The following PKP1 variants were observed in gnomAD, a reference collection of about 807,000 sequenced individuals.
PKP1 encodes plakophilin 1.
Under a neutral mutation model 76.4 loss-of-function variants are expected in PKP1, and 27 were observed. That is an observed-to-expected ratio of 0.35 (90% CI 0.26 to 0.49). The LOEUF is 0.49. Among genes scored for constraint, PKP1 ranks in the 20% least tolerant of loss-of-function variants. The pLI, the probability that PKP1 is intolerant of heterozygous loss-of-function variation, is 0.99. For missense variants in PKP1, 964 were observed against 955.2 expected, an observed-to-expected ratio of 1.01 and a Z score of -0.12; for synonymous variants, 404 against 384.2, an observed-to-expected ratio of 1.05 and a Z score of -0.60.
At chr1:201,300,809 C>T (rs1400563144) in intron 2 of PKP1, among the ~76,000 whole-genome samples, 1 of 152,196 alleles carries the variant, frequency 6.6e-6, no homozygotes, top group Non-Finnish European at 1.5e-5. Flanking sequence ...CAAGGGCAAG[C>T]TCCAGGTGCA....
intron 3 of PKP1, chr1:201,316,113 T>TGGACGGATGGACAGAC (rs1656717752): frequency 8.3e-6 from 1 of 119,900 alleles, no homozygotes; most frequent in East Asian, 2.4e-4. Context: ...GACAGATGGA[T>TGGACGGATGGACAGAC]GGACGGATGG....
intron 9 of PKP1, 80 bp downstream of exon 9, chr1:201,323,269 C>A: frequency 1.5e-6 from 2 of 1,377,114 alleles, no homozygotes; most frequent in Non-Finnish European, 2.1e-6. Flanking sequence ...CCTTTTCCCC[C>A]CAGCCTGTCC....
At chr1:201,294,232 C>T (rs1158517868) in intron 2 of PKP1, among the ~76,000 whole-genome samples, 187 bp downstream of exon 2, 2 of 152,186 alleles carry the variant, frequency 1.3e-5, no homozygotes, top group Admixed American at 1.3e-4. Context: ...CTCGTTTGGG[C>T]TGACTGGATA....
intron 11 of PKP1, 51 bp downstream of exon 11, chr1:201,325,178 C>T (rs963547900): frequency 6.4e-7 from 1 of 1,564,284 alleles, no homozygotes; most frequent in Non-Finnish European, 8.8e-7. Flanking sequence ...AGCCCCTCCT[C>T]ACCCTGCACA....
At position 201,309,778 on chromosome 1, in the gene PKP1, A is replaced by G. The variant is rs145611064; in HGVS notation, c.307-3388A>G. 1.4e-3 allele frequency among the ~76,000 whole-genome samples: 215 copies of G among 152,266 alleles called. 1 individual carries two copies. Among genetic ancestry groups the G allele is most frequent in the African/African-American group, 3.0e-3 (126 of 41,548 alleles). On this transcript the variant is annotated intron_variant, in intron 2 of 13. Coordinates refer to ENST00000367324, the MANE Select transcript of PKP1 (RefSeq NM_001005337.3). ...TTGGAAACGTGTGGGGACATTTTGC[A>G]ATGACTGTGAGGCATTACTAGCATT... is the stretch of plus-strand genomic sequence containing the variant.
At chr1:201,325,630 CCTGAGGCCTCCT>C (rs1657095840) in intron 11 of PKP1, 112 bp from the exon 12 acceptor site, 2 of 763,948 alleles carry the variant, frequency 2.6e-6, no homozygotes, top group East Asian at 2.7e-5. Flanking sequence ...CTTTTGCACA[CCTGAGGCCTCCT>C]CTGAGGCCTC....
chr1:201,324,344 C>T (rs925513083), intron 9 of PKP1, 84 bp from the exon 10 acceptor site: 20 of 1,415,850 alleles, frequency 1.4e-5, no homozygotes, highest in Non-Finnish European at 1.9e-5. Context: ...GGGATGTCTG[C>T]CTTTGGGGCT....
At chr1:201,303,280 G>A (rs1041589110) in intron 2 of PKP1, among the ~76,000 whole-genome samples, 2 of 152,128 alleles carry the variant, frequency 1.3e-5, no homozygotes, top group Non-Finnish European at 2.9e-5. Flanking sequence ...AGACTTCCAA[G>A]TAGCTGCAAC....
chr1:201,294,003 C>T lies in PKP1; in HGVS notation c.264C>T (p.Tyr88=). Residue 88 remains tyrosine (Y), a synonymous_variant, in exon 2 of 14, where the codon TAC becomes TAT. Coordinates refer to ENST00000367324, the MANE Select transcript of PKP1 (RefSeq NM_001005337.3). ...YNYGTTSRSS[Y]YSKFQAGNGS... ...ATGGGACCACCAGCAGGAGCAGCTA[C>T]TACTCCAAGTTCCAGGCAGGGAATG... The T allele has an allele frequency of 6.2e-7, 1 of 1,613,944 alleles. No individual in the cohort carries two copies. The highest frequency in any genetic ancestry group is 8.5e-7 in the Non-Finnish European group (1 of 1,179,846).
At chr1:201,316,793 G>A in intron 4 of PKP1, 96 bp downstream of exon 4, 1 of 1,375,514 alleles carries the variant, frequency 7.3e-7, no homozygotes, top group South Asian at 1.2e-5. Context: ...GGCATCTGCA[G>A]TTGGCTTCTC....
rs766792367 is a variant in PKP1, at chr1:201,324,586, G to T, written c.1834+5G>T. Reference sequence around the variant, plus strand: ...CTCTGCTGCACAGAGTGATGGGTAAGGTCCCTCTCTCTCCTCCCCCTCTAG... The same window carrying T: ...CTCTGCTGCACAGAGTGATGGGTAATGTCCCTCTCTCTCCTCCCCCTCTAG... On this transcript the variant is annotated splice_donor_5th_base_variant and intron_variant, in intron 10 of 13. Coordinates refer to ENST00000367324, the MANE Select transcript of PKP1 (RefSeq NM_001005337.3). The T allele has an allele frequency of 3.1e-6, 5 of 1,613,986 alleles. No homozygotes were observed. Among genetic ancestry groups the T allele is most frequent in the Non-Finnish European group, 3.4e-6 (4 of 1,179,920 alleles).
rs755631904 is a variant in PKP1 at position 201,325,820 on chromosome 1, G to T, written c.2088G>T (p.Leu696=). The T allele has an allele frequency of 1.2e-6, 2 of 1,613,828 alleles. No homozygotes were observed. The highest frequency in any genetic ancestry group is 3.3e-5 in the Admixed American group (2 of 60,022). ...CTGACATGTGGTCCAGCAAGGAACT[G>T]CAGGGTGTCCTCAGACAGGTAAGAG... ...LLSDMWSSKE[L]QGVLRQQGFD... Residue 696 remains leucine (L), a synonymous_variant, in exon 12 of 14, where the codon CTG becomes CTT. Coordinates refer to ENST00000367324, the MANE Select transcript of PKP1 (RefSeq NM_001005337.3).
Position 201,294,362 on chromosome 1 carries a change from G to C in PKP1, c.306+317G>C, listed in dbSNP as rs150437670. 3.2e-3 allele frequency among the ~76,000 whole-genome samples: 492 copies of C among 152,314 alleles called. 13 individuals are homozygous for C. Among genetic ancestry groups the C allele is most frequent in the Non-Finnish European group, 4.1e-3 (280 of 68,034 alleles). ...GGATTTGGGAAATGTTTGCATTCTT[G>C]AGGTCTATTAATGGACCAGTTTAGA... On this transcript the variant is annotated intron_variant, in intron 2 of 13. Transcript: ENST00000367324.
intron 2 of PKP1, among the ~76,000 whole-genome samples, chr1:201,301,776 C>T (rs1357579481): frequency 2.0e-5 from 3 of 151,382 alleles, no homozygotes; most frequent in Non-Finnish European, 2.9e-5. Context: ...ATCTACTCAA[C>T]CAACCAGTAT....
chr1:201,325,361 C>T lies in PKP1; in HGVS notation c.2021+234C>T, dbSNP rs78238106. Among the ~76,000 whole-genome samples the T allele has an allele frequency of 0.15, 22,507 of 151,994 alleles. 2,252 individuals carry two copies. Among genetic ancestry groups the T allele is most frequent in the African/African-American group, 0.29 (11,923 of 41,452 alleles). On this transcript the variant is annotated intron_variant, in intron 11 of 13. Transcript: ENST00000367324. ...CATGGAGGGAAGAGGCAACACACTT[C>T]CTGGCTGGGGGACTCGGGGGCACAA...
chr1:201,322,274 G>A (rs1656972077), intron 8 of PKP1, 141 bp downstream of exon 8: 3 of 859,514 alleles, frequency 3.5e-6, no homozygotes, highest in African/African-American at 1.7e-5. Flanking sequence ...ACCTTGGCCT[G>A]GGGCTCAGGG....
intron 4 of PKP1, among the ~76,000 whole-genome samples, 154 bp from the exon 5 acceptor site, chr1:201,317,415 TATC>T (rs1656785272): frequency 6.6e-6 from 1 of 152,034 alleles, no homozygotes; most frequent in Non-Finnish European, 1.5e-5. Flanking sequence ...CTGGGTCAGT[TATC>T]ATGACCTCAC....
chr1:201,322,180 C>A (rs554744943), intron 8 of PKP1, 47 bp downstream of exon 8: 4 of 1,594,636 alleles, frequency 2.5e-6, no homozygotes, highest in Non-Finnish European at 3.4e-6. Flanking sequence ...CAAGCACCCC[C>A]CCAGGAGCCA....
rs1205339613 is a variant in PKP1, at chr1:201,293,963, C to T, written c.224C>T (p.Ala75Val). 85 of 1,613,252 alleles carry T rather than the reference C, an allele frequency of 5.3e-5. No homozygotes were observed. The highest frequency in any genetic ancestry group is 7.2e-5 in the Non-Finnish European group (85 of 1,179,492). ...CTAGGTTCCATGTATGATGGCTTGGCTGACAATTACAACTATGGGACCACC... is the reference window on the plus strand; with the variant it reads ...CTAGGTTCCATGTATGATGGCTTGGTTGACAATTACAACTATGGGACCACC... Reference protein sequence around the residue: ...SNRGSMYDGLADNYNYGTTSR... With the variant: ...SNRGSMYDGLVDNYNYGTTSR... The change falls in exon 2 of 14, where the codon GCT (alanine) becomes GTT (valine). Residue 75 changes from alanine to valine, a missense_variant. Transcript: ENST00000367324.
Sources: gnomAD v4.1 joint callset for allele counts (sites outside exome capture counted in the v4.1 genomes callset) on GRCh38, gnomAD v4.1.1 for gene constraint, MANE v1.5 for transcripts, NCBI Gene and HGNC (gene_info 2026-07-23, HGNC 2026-07-21) for gene names.